PNPLA1: variants seen among roughly 807,000 people sequenced by gnomAD.
PNPLA1 encodes omega-hydroxyceramide transacylase.
PNPLA1 carries 36 observed loss-of-function variants against 51.7 expected under a neutral mutation model. The observed-to-expected ratio is 0.70, with a 90% CI of 0.53 to 0.92. The LOEUF is 0.92. Ranked by LOEUF, PNPLA1 falls within the 40% of genes least tolerant of loss-of-function variation. The pLI is 0.00. For missense variants in PNPLA1, 658 were observed against 682.5 expected, an observed-to-expected ratio of 0.96 and a Z score of 0.40; for synonymous variants, 293 against 280.1, an observed-to-expected ratio of 1.05 and a Z score of -0.46.
chr6:36,300,263 T>C (rs560392900), intron 5 of PNPLA1, among the ~76,000 whole-genome samples: 5 of 150,374 alleles, frequency 3.3e-5, no homozygotes, highest in Non-Finnish European at 5.9e-5. Flanking sequence ...GGTGCAATCT[T>C]GGCTCACTGC....
At chr6:36,247,675 C>T (rs547543641) in intron 1 of PNPLA1, among the ~76,000 whole-genome samples, 47 of 152,252 alleles carry the variant, frequency 3.1e-4, no homozygotes, top group African/African-American at 1.1e-3. Flanking sequence ...AGAGGAGGGT[C>T]AAGGAGGAAG....
chr6:36,309,219 G>A (rs1441691775), intron 8 of PNPLA1, among the ~76,000 whole-genome samples: 2 of 152,178 alleles, frequency 1.3e-5, no homozygotes, highest in African/African-American at 2.4e-5. Context: ...TGCAGGAAGT[G>A]GAGCAAACCA....
rs573857485 is a variant in PNPLA1 at position 36,310,358 on chromosome 6, C to T, written c.1596-1405C>T. On this transcript the variant is annotated intron_variant, in intron 8 of 8. Transcript: ENST00000636260. Reference sequence around the variant, plus strand: ...CTCCAGTAAGGGTTCCGTGGTCATCCGACTCTGGATTGTGTCACTGGCCTC... The same window carrying T: ...CTCCAGTAAGGGTTCCGTGGTCATCTGACTCTGGATTGTGTCACTGGCCTC... 2.6e-4 allele frequency among the ~76,000 whole-genome samples: 40 copies of T among 152,196 alleles called. 1 individual carries two copies. The highest frequency in any genetic ancestry group is 8.4e-4 in the African/African-American group (35 of 41,512).
At chr6:36,277,716 T>C (rs755018841) in intron 1 of PNPLA1, among the ~76,000 whole-genome samples, 18 of 152,144 alleles carry the variant, frequency 1.2e-4, no homozygotes, top group Non-Finnish European at 2.2e-4. Flanking sequence ...ATAAAATAAT[T>C]AGCCAGGTGT....
At chr6:36,256,176 T>G (rs535251831) in intron 1 of PNPLA1, among the ~76,000 whole-genome samples, 4 of 152,264 alleles carry the variant, frequency 2.6e-5, no homozygotes, top group African/African-American at 9.6e-5. Flanking sequence ...GTGCTTGATA[T>G]GTCAATAGAT....
upstream of PNPLA1, among the ~76,000 whole-genome samples, chr6:36,269,124 G>A (rs1421662277): frequency 6.6e-6 from 1 of 152,220 alleles, no homozygotes; most frequent in East Asian, 1.9e-4. Context: ...ATGCAGATAA[G>A]TGAGTCCACC....
chr6:36,292,314 A>G (rs989485797), intron 2 of PNPLA1, among the ~76,000 whole-genome samples: 1 of 152,010 alleles, frequency 6.6e-6, no homozygotes, highest in African/African-American at 2.4e-5. Context: ...CCCTGGGTTT[A>G]TCAGCAGCCA....
chr6:36,264,883 A>C (rs1038173413), intron 1 of PNPLA1, among the ~76,000 whole-genome samples: 1 of 152,242 alleles, frequency 6.6e-6, no homozygotes, highest in African/African-American at 2.4e-5. Flanking sequence ...AGCTGTGCCA[A>C]ACTTTCTCCT....
intron 6 of PNPLA1, among the ~76,000 whole-genome samples, chr6:36,304,129 A>G (rs1771159609): frequency 6.6e-6 from 1 of 152,162 alleles, no homozygotes; most frequent in Non-Finnish European, 1.5e-5. Context: ...TGTGGCCACC[A>G]TGGATGGTCT....
chr6:36,307,746 A>T, intron 8 of PNPLA1, 34 bp downstream of exon 8: 1 of 1,611,258 alleles, frequency 6.2e-7, no homozygotes, highest in South Asian at 1.1e-5. Context: ...AATCCCACGG[A>T]GAGGAGCAGC....
In PNPLA1 at chr6:36,302,269, G is replaced by A. The variant is rs762430199; in HGVS notation, c.1184G>A (p.Gly395Glu). Residue 395 changes from glycine (G) to glutamate (E), a missense_variant, in exon 6 of 9, where the codon GGA (glycine) becomes GAA (glutamate). By Grantham distance (98) the Gly-to-Glu change is moderately conservative (BLOSUM62 -2). Transcript: ENST00000636260. ...PGSSLPTPPP[G>E]LSPLSPQQQV... Reference sequence around the variant, plus strand: ...TCATCACTGCCCACCCCACCACCTGGACTGTCACCTCTGTCACCTCAGCAG... The same window carrying A: ...TCATCACTGCCCACCCCACCACCTGAACTGTCACCTCTGTCACCTCAGCAG... 3.7e-6 allele frequency: 6 copies of A among 1,613,996 alleles called. No homozygotes were observed. In the African/African-American group the frequency reaches 8.0e-5, roughly 22 times the overall value.
Position 36,292,055 on chromosome 6 carries a change from C to T in PNPLA1, c.438+503C>T, listed in dbSNP as rs1436886866. On this transcript the variant is annotated intron_variant, in intron 2 of 8. Transcript: ENST00000636260. The stretch of plus-strand genomic sequence containing the variant: ...TGCACGCTAATCCTGAGTGCGCTGC[C>T]CTAAGCTCATTAATATTAATTTTAG... Among the ~76,000 whole-genome samples the T allele has an allele frequency of 2.6e-5, 4 of 152,190 alleles. No individual in the cohort carries two copies. The East Asian group carries it at 7.7e-4, about 29-fold the overall frequency.
chr6:36,256,115 G>A (rs950870408), intron 1 of PNPLA1, among the ~76,000 whole-genome samples: 4 of 146,844 alleles, frequency 2.7e-5, no homozygotes, highest in African/African-American at 1.0e-4. Flanking sequence ...ATAATTGAAT[G>A]ATGCAGATTT....
intron 1 of PNPLA1, among the ~76,000 whole-genome samples, chr6:36,277,689 C>A (rs995318263): frequency 3.3e-5 from 5 of 152,148 alleles, no homozygotes; most frequent in African/African-American, 4.8e-5. Flanking sequence ...CAAAGTGAGA[C>A]CCTGTTTCTA....
chr6:36,255,217 A>C (rs1037455401), intron 1 of PNPLA1, among the ~76,000 whole-genome samples: 6 of 151,956 alleles, frequency 3.9e-5, no homozygotes, highest in African/African-American at 1.5e-4. Flanking sequence ...AAAAAAATAC[A>C]AAATTGGCCA....
intron 1 of PNPLA1, among the ~76,000 whole-genome samples, chr6:36,272,016 G>A (rs78646938): frequency 0.052 from 7,958 of 152,292 alleles, 257 homozygotes; most frequent in East Asian, 0.11. Context: ...TGACACCAGC[G>A]ACTGGTTTTG....
chr6:36,273,706 A>G (rs1423548803), intron 1 of PNPLA1, among the ~76,000 whole-genome samples: 1 of 127,292 alleles, frequency 7.9e-6, no homozygotes, highest in African/African-American at 3.0e-5. Flanking sequence ...ACAAGCCTGG[A>G]TAGTACAGGA....
chr6:36,298,613 G>C (rs927157909), intron 5 of PNPLA1, among the ~76,000 whole-genome samples: 1 of 152,176 alleles, frequency 6.6e-6, no homozygotes, highest in Non-Finnish European at 1.5e-5. Flanking sequence ...CTGTGCTGAT[G>C]ATTTTGACTA....
intron 5 of PNPLA1, among the ~76,000 whole-genome samples, chr6:36,300,178 T>TGAGAGAGAGAGAGAGA (rs71548136): frequency 4.0e-4 from 39 of 98,046 alleles, no homozygotes; most frequent in South Asian, 1.6e-3. Flanking sequence ...TGTGTGTGTG[T>TGAGAGAGAGAGAGAGA]GAGAGAGAGA....
Sources: allele counts gnomAD v4.1 joint callset (sites outside exome capture counted in the v4.1 genomes callset), GRCh38; gene constraint gnomAD v4.1.1; transcripts MANE v1.5; gene names NCBI Gene and HGNC (gene_info 2026-07-23, HGNC 2026-07-21).